The following RAPGEF5 variants were observed in gnomAD, a reference collection of about 807,000 sequenced individuals.
The protein encoded by RAPGEF5 is M-Ras-regulated GEF.
Under a neutral mutation model 125.2 loss-of-function variants are expected in RAPGEF5, and 65 were observed. The observed-to-expected ratio is 0.52, with a 90% confidence interval of 0.43 to 0.64. The LOEUF (loss-of-function observed/expected upper bound fraction) is 0.64, where lower values mean the gene tolerates loss of function less well. Ranked by LOEUF, RAPGEF5 falls within the 30% of genes least tolerant of loss-of-function variation. RAPGEF5 has a pLI of 0.00. For synonymous variants in RAPGEF5, 391 were observed against 385.9 expected (o/e 1.01, Z -0.16); for missense variants, 958 against 1,048.1 (o/e 0.91, Z 1.19).
intron 11 of RAPGEF5, among the ~76,000 whole-genome samples, chr7:22,181,976 C>T (rs369797770): frequency 4.6e-5 from 7 of 152,114 alleles, no homozygotes; most frequent in African/African-American, 1.7e-4. Context: ...TGACATTACA[C>T]CCTTTCAATG....
At chr7:22,343,916 A>G (rs2128387562) in intron 1 of RAPGEF5, among the ~76,000 whole-genome samples, 1 of 152,104 alleles carries the variant, frequency 6.6e-6, no homozygotes, top group Admixed American at 6.5e-5. Flanking sequence ...AAAAAAAAGC[A>G]GGGGCAGAAA....
At chr7:22,299,443 A>G (rs927981709) in intron 5 of RAPGEF5, among the ~76,000 whole-genome samples, 1 of 152,146 alleles carries the variant, frequency 6.6e-6, no homozygotes, top group African/African-American at 2.4e-5. Context: ...ATCTTTTGTT[A>G]TAATCATAAT....
intron 20 of RAPGEF5, among the ~76,000 whole-genome samples, chr7:22,143,630 G>C (rs548719370): frequency 4.3e-4 from 65 of 152,296 alleles, no homozygotes; most frequent in African/African-American, 1.5e-3. Context: ...CTCCCACAGA[G>C]AGTGTACTCT....
chr7:22,306,892 T>C (rs1390793958), intron 5 of RAPGEF5, among the ~76,000 whole-genome samples: 1 of 152,226 alleles, frequency 6.6e-6, no homozygotes, highest in Non-Finnish European at 1.5e-5. Context: ...GGGTTCTCCA[T>C]TCTGTTCCAT....
intron 19 of RAPGEF5, among the ~76,000 whole-genome samples, chr7:22,145,760 T>A (rs1326407234): frequency 6.6e-6 from 1 of 152,170 alleles, no homozygotes. Flanking sequence ...TTCTAACAAG[T>A]GCCCAAGTCC....
chr7:22,272,819 C>T (rs534236853), intron 6 of RAPGEF5, among the ~76,000 whole-genome samples: 1 of 152,104 alleles, frequency 6.6e-6, no homozygotes, highest in Non-Finnish European at 1.5e-5. Context: ...TGCAGTGGTA[C>T]GATCTCAGCT....
chr7:22,314,686 CT>C, intron 3 of RAPGEF5: 1 of 929,946 alleles, frequency 1.1e-6, no homozygotes, highest in Non-Finnish European at 1.3e-6. Context: ...TTTTTGTTTT[CT>C]TTCATAGTTT....
At chr7:22,205,721 C>T (rs975385504) in intron 9 of RAPGEF5, among the ~76,000 whole-genome samples, 3 of 152,220 alleles carry the variant, frequency 2.0e-5, no homozygotes, top group Non-Finnish European at 2.9e-5. Context: ...GCATTTCCTT[C>T]ACTGCAGAGA....
At chr7:22,162,357 G>T in intron 13 of RAPGEF5, 40 bp downstream of exon 13, 1 of 1,516,606 alleles carries the variant, frequency 6.6e-7, no homozygotes, top group Non-Finnish European at 9.1e-7. Flanking sequence ...AATAGAATCA[G>T]TTATTTGGCA....
At chr7:22,308,275 C>G in intron 5 of RAPGEF5, 64 bp downstream of exon 5, 2 of 1,444,264 alleles carry the variant, frequency 1.4e-6, no homozygotes, top group Non-Finnish European at 1.9e-6. Context: ...AGAATATAGT[C>G]CCTAGACATG....
At chr7:22,326,970 A>T (rs978202990) in intron 1 of RAPGEF5, among the ~76,000 whole-genome samples, 1 of 152,218 alleles carries the variant, frequency 6.6e-6, no homozygotes, top group Non-Finnish European at 1.5e-5. Flanking sequence ...AGTTGTATAC[A>T]TTACATATGT....
chr7:22,140,231 A>G, intron 20 of RAPGEF5, 116 bp from the exon 21 acceptor site: 1 of 890,726 alleles, frequency 1.1e-6, no homozygotes, highest in Non-Finnish European at 1.8e-6. Flanking sequence ...ATTCTGCTCT[A>G]CAGCCTACGT....
chr7:22,190,205 G>A (rs1188878324), intron 11 of RAPGEF5, among the ~76,000 whole-genome samples: 1 of 152,072 alleles, frequency 6.6e-6, no homozygotes, highest in Non-Finnish European at 1.5e-5. Flanking sequence ...GCTTGAACCC[G>A]AGAGTCAGAG....
intron 11 of RAPGEF5, chr7:22,191,645 G>A (rs770088342): frequency 4.2e-6 from 2 of 471,122 alleles, no homozygotes; most frequent in South Asian, 3.1e-5. Context: ...TGGTATAACT[G>A]AGAAGAAAGC....
intron 19 of RAPGEF5, among the ~76,000 whole-genome samples, chr7:22,146,239 G>A (rs1486555500): frequency 2.0e-5 from 3 of 152,168 alleles, no homozygotes; most frequent in Non-Finnish European, 2.9e-5. Flanking sequence ...ACTACATGGC[G>A]AAGCAAATGC....
At chr7:22,351,728 C>T (rs1219393553) in intron 1 of RAPGEF5, among the ~76,000 whole-genome samples, 1 of 152,166 alleles carries the variant, frequency 6.6e-6, no homozygotes. Context: ...ACATGCTTTG[C>T]CTGTAAAATA....
intron 4 of RAPGEF5, among the ~76,000 whole-genome samples, chr7:22,309,314 C>A (rs1783416895): frequency 6.6e-6 from 1 of 152,178 alleles, no homozygotes; most frequent in Non-Finnish European, 1.5e-5. Context: ...CATTCTTTCA[C>A]AACAGGACCA....
intron 7 of RAPGEF5, among the ~76,000 whole-genome samples, chr7:22,233,731 T>C (rs1196243547): frequency 6.6e-6 from 1 of 152,172 alleles, no homozygotes; most frequent in Non-Finnish European, 1.5e-5. Context: ...GAATAATTCT[T>C]AATACATAGA....
At chr7:22,144,585 G>T (rs574383865) in intron 20 of RAPGEF5, among the ~76,000 whole-genome samples, 3 of 152,194 alleles carry the variant, frequency 2.0e-5, no homozygotes, top group Non-Finnish European at 4.4e-5. Context: ...TGAGGCTCAG[G>T]GGGTGGGGCC....
Sources: allele counts gnomAD v4.1 joint callset (sites outside exome capture counted in the v4.1 genomes callset), GRCh38; gene constraint gnomAD v4.1.1; transcripts MANE v1.5; gene names NCBI Gene and HGNC (gene_info 2026-07-23, HGNC 2026-07-21).